IMMP2L: variants seen among roughly 807,000 people sequenced by gnomAD.
IMMP2L encodes mitochondrial inner membrane protease subunit 2.
A neutral mutation model predicts 19.3 loss-of-function variants in IMMP2L; 18 were observed. That is an observed-to-expected ratio of 0.93 (90% CI 0.64 to 1.38). The LOEUF is 1.38. IMMP2L is among the 40% of genes most tolerant of loss of function. IMMP2L has a pLI of 0.00. For missense variants in IMMP2L, 233 were observed against 218.2 expected (o/e 1.07, Z -0.43); for synonymous variants, 76 against 73.0 (o/e 1.04, Z -0.21).
rs147811645 is a variant in IMMP2L at position 111,326,618 on chromosome 7, T to C, written c.239+160620A>G. Among the ~76,000 whole-genome samples the C allele has an allele frequency of 2.6e-3, 399 of 151,812 alleles. 2 individuals are homozygous for C. Among genetic ancestry groups the C allele is most frequent in the African/African-American group, 9.1e-3 (377 of 41,462 alleles). ...GGTCAAGATCACTAATCATCAGAAA[T>C]ATGCAATGAAAACCGCAAGGATATA... On this transcript the variant is annotated intron_variant, in intron 3 of 5. Coordinates refer to ENST00000405709, the MANE Select transcript of IMMP2L (RefSeq NM_032549.4).
chr7:110,664,215 T>C (rs994168832), intron 5 of IMMP2L, among the ~76,000 whole-genome samples: 5 of 152,066 alleles, frequency 3.3e-5, no homozygotes, highest in Admixed American at 1.3e-4. Flanking sequence ...ACTTTCTTTA[T>C]GGAAAAATCA....
In IMMP2L at chr7:111,195,411, T is replaced by C. The variant is rs7798731; in HGVS notation, c.240-231846A>G. The stretch of plus-strand genomic sequence containing the variant: ...CTGCTTCTAAAGACTAAGTTGAAAA[T>C]ATAAACTTGCAAGGAATAAAAAAGA... On this transcript the variant is annotated intron_variant, in intron 3 of 5. Coordinates refer to ENST00000405709, the MANE Select transcript of IMMP2L (RefSeq NM_032549.4). 3.5e-3 allele frequency among the ~76,000 whole-genome samples: 526 copies of C among 151,952 alleles called. 3 individuals are homozygous for C. The highest frequency in any genetic ancestry group is 0.012 in the African/African-American group (498 of 41,340).
intron 3 of IMMP2L, among the ~76,000 whole-genome samples, chr7:110,985,719 A>G (rs1173985302): frequency 6.6e-6 from 1 of 152,084 alleles, no homozygotes; most frequent in Admixed American, 6.6e-5. Flanking sequence ...TTCCCCCTCA[A>G]CTGAGTTAGA....
rs570807229 is a variant in IMMP2L, at chr7:110,817,497, C to T, written c.408+69096G>A. Among the ~76,000 whole-genome samples, 27 of 152,030 alleles carry T rather than the reference C, an allele frequency of 1.8e-4. 1 individual carries two copies. The highest frequency in any genetic ancestry group is 6.2e-4 in the South Asian group (3 of 4,816). On this transcript the variant is annotated intron_variant, in intron 5 of 5. Coordinates refer to ENST00000405709, the MANE Select transcript of IMMP2L (RefSeq NM_032549.4). ...CACATGGAAGAACATTCCATGCTCA[C>T]GGGTAGGAAGAATCAATATTGTGAA...
chr7:110,884,254 G>T (rs1809986219), intron 5 of IMMP2L, among the ~76,000 whole-genome samples: 2 of 151,974 alleles, frequency 1.3e-5, no homozygotes, highest in African/African-American at 2.4e-5. Context: ...CTACACAGAA[G>T]TAGGTGTTGT....
chr7:111,274,489 T>G (rs988647836), intron 3 of IMMP2L, among the ~76,000 whole-genome samples: 2 of 152,132 alleles, frequency 1.3e-5, no homozygotes, highest in African/African-American at 4.8e-5. Context: ...CTGTCCCTCT[T>G]GTGGTTTTCT....
chr7:111,201,893 A>G (rs1348380584), intron 3 of IMMP2L, among the ~76,000 whole-genome samples: 3 of 152,164 alleles, frequency 2.0e-5, no homozygotes, highest in South Asian at 4.1e-4. Flanking sequence ...AATAAGCCCA[A>G]ACCAGAAACT....
chr7:110,827,582 A>C (rs1223034300), intron 5 of IMMP2L, among the ~76,000 whole-genome samples: 1 of 152,194 alleles, frequency 6.6e-6, no homozygotes, highest in East Asian at 1.9e-4. Flanking sequence ...GCGTTGTGTG[A>C]CAAATACTGT....
chr7:111,323,304 A>C (rs1474990392), intron 3 of IMMP2L, among the ~76,000 whole-genome samples: 4 of 152,072 alleles, frequency 2.6e-5, no homozygotes, highest in African/African-American at 7.2e-5. Flanking sequence ...GAAGAAAACA[A>C]AAAACCCCAT....
At position 110,961,225 on chromosome 7, in the gene IMMP2L, T is replaced by C. The variant is rs79228296; in HGVS notation, c.305+2275A>G. ...TGTGGGAGATTCATTCCCACAAATA[T>C]AGATACCAAAATCCCCCCACAGATA... On this transcript the variant is annotated intron_variant, in intron 4 of 5. Transcript: ENST00000405709. 4.0e-3 allele frequency among the ~76,000 whole-genome samples: 613 copies of C among 151,932 alleles called. 4 individuals are homozygous for C. The highest frequency in any genetic ancestry group is 0.014 in the African/African-American group (590 of 41,504).
chr7:110,722,024 A>G, intron 5 of IMMP2L, among the ~76,000 whole-genome samples: 1 of 152,116 alleles, frequency 6.6e-6, no homozygotes, highest in African/African-American at 2.4e-5. Flanking sequence ...AAGACTGATG[A>G]AGGTTTAGTG....
At chr7:110,949,121 T>A (rs1361740899) in intron 4 of IMMP2L, among the ~76,000 whole-genome samples, 1 of 152,172 alleles carries the variant, frequency 6.6e-6, no homozygotes, top group Non-Finnish European at 1.5e-5. Flanking sequence ...GGTCTCCAGC[T>A]TGCAGGTGGC....
intron 5 of IMMP2L, among the ~76,000 whole-genome samples, chr7:110,749,929 A>C (rs1161811729): frequency 6.6e-6 from 1 of 152,020 alleles, no homozygotes; most frequent in Non-Finnish European, 1.5e-5. Flanking sequence ...ATTATGTTAA[A>C]CTTCAGATTA....
At chr7:111,538,816 T>TAAAAAA (rs768599585) in intron 1 of IMMP2L, among the ~76,000 whole-genome samples, 13 of 82,420 alleles carry the variant, frequency 1.6e-4, no homozygotes, top group African/African-American at 6.5e-4. Context: ...CTGGCTCATT[T>TAAAAAA]AAAAAAAAAA....
intron 1 of IMMP2L, among the ~76,000 whole-genome samples, chr7:111,537,881 C>A (rs1176733561): frequency 6.6e-6 from 1 of 152,070 alleles, no homozygotes; most frequent in African/African-American, 2.4e-5. Flanking sequence ...CACCTCCATA[C>A]AATTTCTAGA....
At chr7:111,263,395 AGTTTTAT>A (rs1263275231) in intron 3 of IMMP2L, among the ~76,000 whole-genome samples, 4 of 152,292 alleles carry the variant, frequency 2.6e-5, no homozygotes, top group Non-Finnish European at 5.9e-5. Context: ...GATAACCTCA[AGTTTTAT>A]GCCCTGAGCA....
At chr7:110,754,828 T>A (rs976705326) in intron 5 of IMMP2L, among the ~76,000 whole-genome samples, 1 of 152,050 alleles carries the variant, frequency 6.6e-6, no homozygotes, top group Non-Finnish European at 1.5e-5. Context: ...GCCCTATATA[T>A]TCCTCCAACA....
At chr7:110,857,013 T>C (rs926584551) in intron 5 of IMMP2L, among the ~76,000 whole-genome samples, 1 of 152,072 alleles carries the variant, frequency 6.6e-6, no homozygotes, top group Non-Finnish European at 1.5e-5. Flanking sequence ...ATGTGTTCAA[T>C]TGTCTGGGGA....
At chr7:111,044,635 A>G (rs1458803973) in intron 3 of IMMP2L, among the ~76,000 whole-genome samples, 1 of 152,212 alleles carries the variant, frequency 6.6e-6, no homozygotes, top group Non-Finnish European at 1.5e-5. Flanking sequence ...CAGATAAGCC[A>G]TTTGTCAATC....
Sources: gnomAD v4.1 joint callset for allele counts (sites outside exome capture counted in the v4.1 genomes callset) on GRCh38, gnomAD v4.1.1 for gene constraint, MANE v1.5 for transcripts, NCBI Gene and HGNC (gene_info 2026-07-23, HGNC 2026-07-21) for gene names.